Variants in SNX18 observed in about 807,000 individuals in gnomAD.
SNX18 encodes sorting nexin 18.
A neutral mutation model predicts 48.7 loss-of-function variants in SNX18; 35 were observed. That is an observed-to-expected ratio of 0.72 (90% confidence interval 0.55 to 0.95). The LOEUF is 0.95. SNX18 is among the 40% of genes least tolerant of loss of function. The pLI is 0.00. For synonymous variants in SNX18, 492 were observed against 384.7 expected, an observed-to-expected ratio of 1.28 and a Z score of -3.26; for missense variants, 824 against 871.0, an observed-to-expected ratio of 0.95 and a Z score of 0.68.
chr5:54,525,904 A>G (rs1368087209), intron 1 of SNX18, among the ~76,000 whole-genome samples: 14 of 152,148 alleles, frequency 9.2e-5, no homozygotes, highest in Non-Finnish European at 1.2e-4. Flanking sequence ...AGTTGATGTG[A>G]AAGAACATTT....
the SNX18 span, chr5:54,644,902 A>G: frequency 6.6e-6 from 1 of 151,876 alleles, no homozygotes; most frequent in East Asian, 1.9e-4. Context: ...ACAAAATTAA[A>G]CTCTATCTGG....
chr5:54,528,133 C>T (rs867079383), intron 1 of SNX18, among the ~76,000 whole-genome samples: 9 of 101,530 alleles, frequency 8.9e-5, no homozygotes, highest in Non-Finnish European at 1.3e-4. Flanking sequence ...CATGCATACA[C>T]GCACATACAC....
At chr5:54,629,583 C>A in the SNX18 span, among the ~76,000 whole-genome samples, 3 of 152,156 alleles carry the variant, frequency 2.0e-5, no homozygotes, top group Non-Finnish European at 2.9e-5. Context: ...TCTACTATGG[C>A]GTGAATATTA....
the SNX18 span, among the ~76,000 whole-genome samples, chr5:54,553,479 C>T: frequency 9.8e-5 from 15 of 152,326 alleles, no homozygotes; most frequent in East Asian, 2.3e-3. Flanking sequence ...CCACAGCAGA[C>T]AGCCACCTGC....
At chr5:54,602,424 T>G in the SNX18 span, among the ~76,000 whole-genome samples, 1 of 152,180 alleles carries the variant, frequency 6.6e-6, no homozygotes, top group South Asian at 2.1e-4. Flanking sequence ...CACTGACCTT[T>G]GCCTCAAACA....
the SNX18 span, among the ~76,000 whole-genome samples, chr5:54,564,054 G>A: frequency 6.6e-6 from 1 of 152,122 alleles, no homozygotes; most frequent in Non-Finnish European, 1.5e-5. Flanking sequence ...GCTGAGGCAG[G>A]AGGATCACCT....
the SNX18 span, among the ~76,000 whole-genome samples, chr5:54,637,984 C>G: frequency 9.1e-6 from 1 of 110,458 alleles, no homozygotes; most frequent in Non-Finnish European, 2.0e-5. Flanking sequence ...AACTGCTGGA[C>G]TGGAGAGAGA....
the SNX18 span, among the ~76,000 whole-genome samples, chr5:54,571,458 G>C: frequency 6.6e-6 from 1 of 152,222 alleles, no homozygotes; most frequent in Non-Finnish European, 1.5e-5. Context: ...GGACACAACT[G>C]TCTAGAGACT....
the SNX18 span, among the ~76,000 whole-genome samples, chr5:54,622,728 G>C: frequency 6.6e-6 from 1 of 151,542 alleles, no homozygotes. Flanking sequence ...GCCAGGTACT[G>C]TGGTCTATTT....
the SNX18 span, among the ~76,000 whole-genome samples, chr5:54,599,397 C>G: frequency 6.6e-6 from 1 of 152,082 alleles, no homozygotes; most frequent in Non-Finnish European, 1.5e-5. Flanking sequence ...ATGAAAACGG[C>G]CATACTACCC....
At chr5:54,575,394 A>G in the SNX18 span, among the ~76,000 whole-genome samples, 1 of 130,552 alleles carries the variant, frequency 7.7e-6, no homozygotes, top group African/African-American at 3.0e-5. Context: ...TTTTTTTGAG[A>G]CACAGTCTTG....
the SNX18 span, among the ~76,000 whole-genome samples, chr5:54,601,508 T>C: frequency 1.3e-5 from 2 of 152,164 alleles, no homozygotes; most frequent in African/African-American, 4.8e-5. Context: ...TTCTGTCCCA[T>C]GATTAGACCA....
the SNX18 span, among the ~76,000 whole-genome samples, chr5:54,605,013 T>C: frequency 1.3e-5 from 2 of 152,044 alleles, no homozygotes; most frequent in Non-Finnish European, 2.9e-5. Context: ...AGGCTGGATA[T>C]TGGAGGAACA....
the SNX18 span, among the ~76,000 whole-genome samples, chr5:54,607,878 G>C: frequency 0.15 from 23,151 of 152,128 alleles, 2,011 homozygotes; most frequent in South Asian, 0.21. Flanking sequence ...AGTTTGCAGT[G>C]AGCCAAGATC....
chr5:54,521,830 A>G (rs1465545805), intron 1 of SNX18, among the ~76,000 whole-genome samples: 1 of 152,286 alleles, frequency 6.6e-6, no homozygotes, highest in East Asian at 1.9e-4. Flanking sequence ...AGCCTCCCGA[A>G]GTGCTGGGAT....
the SNX18 span, among the ~76,000 whole-genome samples, chr5:54,589,416 A>G: frequency 2.0e-5 from 3 of 152,156 alleles, no homozygotes; most frequent in African/African-American, 7.2e-5. Flanking sequence ...CTCACCACAC[A>G]TATGCCTTCT....
the SNX18 span, among the ~76,000 whole-genome samples, chr5:54,627,958 C>T: frequency 6.6e-6 from 1 of 152,100 alleles, no homozygotes; most frequent in Non-Finnish European, 1.5e-5. Flanking sequence ...TTTCCATTAC[C>T]CACGCCTACA....
chr5:54,538,762 C>G (rs973000401), intron 1 of SNX18, among the ~76,000 whole-genome samples: 2 of 152,106 alleles, frequency 1.3e-5, no homozygotes, highest in African/African-American at 2.4e-5. Flanking sequence ...CAGGAACTCT[C>G]GATTTTTAAT....
the SNX18 span, among the ~76,000 whole-genome samples, chr5:54,624,465 G>T: frequency 6.6e-6 from 1 of 152,210 alleles, no homozygotes; most frequent in African/African-American, 2.4e-5. Flanking sequence ...AGTAAATGAA[G>T]ATACAGAAGT....
Sources: allele counts gnomAD v4.1 joint callset (sites outside exome capture counted in the v4.1 genomes callset), GRCh38; gene constraint gnomAD v4.1.1; transcripts MANE v1.5; gene names NCBI Gene and HGNC (gene_info 2026-07-23, HGNC 2026-07-21).